MAP2K5: variants seen among roughly 807,000 people sequenced by gnomAD.
MAP2K5 encodes the protein dual specificity mitogen-activated protein kinase kinase 5.
In MAP2K5, 49 loss-of-function variants were observed where a neutral mutation model predicts 83.1. That is an observed-to-expected ratio of 0.59 (90% confidence interval 0.47 to 0.75). MAP2K5 has a LOEUF of 0.75. MAP2K5 is among the 30% of genes least tolerant of loss of function. The pLI is 0.00. For missense variants in MAP2K5, 457 were observed against 557.5 expected (o/e 0.82, Z 1.82); for synonymous variants, 202 against 191.8 (o/e 1.05, Z -0.44).
At chr15:67,743,615 C>T (rs2089540637) in intron 17 of MAP2K5, among the ~76,000 whole-genome samples, 1 of 152,122 alleles carries the variant, frequency 6.6e-6, no homozygotes, top group Admixed American at 6.5e-5. Context: ...GTATATAAAG[C>T]TTATCATGGA....
intron 21 of MAP2K5, among the ~76,000 whole-genome samples, chr15:67,776,872 C>T (rs1296767211): frequency 6.6e-6 from 1 of 152,208 alleles, no homozygotes; most frequent in East Asian, 1.9e-4. Flanking sequence ...TCCCCATCCC[C>T]TCTCCACTTC....
chr15:67,567,520 G>A (rs1004685738), intron 3 of MAP2K5, among the ~76,000 whole-genome samples: 6 of 151,664 alleles, frequency 4.0e-5, no homozygotes, highest in African/African-American at 9.7e-5. Context: ...GCCCGCCACC[G>A]CGCCCGGCTA....
chr15:67,641,011 G>T (rs1228210122), intron 9 of MAP2K5, among the ~76,000 whole-genome samples: 1 of 152,186 alleles, frequency 6.6e-6, no homozygotes, highest in African/African-American at 2.4e-5. Flanking sequence ...GGTGCAGGTA[G>T]TCAAGACAAT....
chr15:67,607,846 A>T (rs1392562443), intron 8 of MAP2K5, among the ~76,000 whole-genome samples: 2 of 152,008 alleles, frequency 1.3e-5, no homozygotes, highest in Non-Finnish European at 2.9e-5. Flanking sequence ...CTTGATTACT[A>T]TGGGTAACAA....
rs1305835087 is a variant in MAP2K5, at chr15:67,704,783, G to A, written c.1044+1375G>A. ...GGAAACTAGTGTTTTTGATTTGTGGGACTCAGTATTGCTGTTATACAATTT... is the reference window on the plus strand; with the variant it reads ...GGAAACTAGTGTTTTTGATTTGTGGAACTCAGTATTGCTGTTATACAATTT... On this transcript the variant is annotated intron_variant, in intron 16 of 21. Coordinates refer to ENST00000178640, the MANE Select transcript of MAP2K5 (RefSeq NM_145160.3). Among the ~76,000 whole-genome samples, 7 of 152,136 alleles carry A rather than the reference G, an allele frequency of 4.6e-5. No homozygotes were observed. The South Asian group carries it at 1.0e-3, about 23-fold the overall frequency.
In MAP2K5 at chr15:67,781,384, C is replaced by T. The variant is rs1223632565; in HGVS notation, c.1242+8632C>T. Among the ~76,000 whole-genome samples the T allele has an allele frequency of 6.6e-6, 1 of 152,036 alleles. No individual in the cohort carries two copies. The highest frequency in any genetic ancestry group is 1.5e-5 in the Non-Finnish European group (1 of 68,006). ...TAATTTGTAGCAGTTTTGAGAGAGACCTTTGGGGATTGTGAGTCTTGTGGT... is the reference window on the plus strand; with the variant it reads ...TAATTTGTAGCAGTTTTGAGAGAGATCTTTGGGGATTGTGAGTCTTGTGGT... On this transcript the variant is annotated intron_variant, in intron 21 of 21. Coordinates refer to ENST00000178640, the MANE Select transcript of MAP2K5 (RefSeq NM_145160.3). The surrounding 1 kb of genome is among the most constrained non-coding windows in gnomAD (Gnocchi z 4.0).
chr15:67,594,774 A>T (rs1596617289), intron 7 of MAP2K5, among the ~76,000 whole-genome samples: 1 of 151,898 alleles, frequency 6.6e-6, no homozygotes, highest in East Asian at 1.9e-4. Flanking sequence ...CTTTATAAGG[A>T]TTAGCCTTTC....
At position 67,770,511 on chromosome 15, in the gene MAP2K5, A is replaced by C. The variant is rs1346623821; in HGVS notation, c.1196+848A>C. On this transcript the variant is annotated intron_variant, in intron 20 of 21. Transcript: ENST00000178640. The surrounding 1 kb of genome is among the most constrained non-coding windows in gnomAD (Gnocchi z 5.0). ...AATCATTGTCCTCAAAGCAGGAGAC[A>C]AAACCAACCGCAACTCCTTCTTAAC... Among the ~76,000 whole-genome samples the C allele has an allele frequency of 6.6e-6, 1 of 152,200 alleles. No individual in the cohort carries two copies. The highest frequency in any genetic ancestry group is 1.5e-5 in the Non-Finnish European group (1 of 68,040).
intron 13 of MAP2K5, among the ~76,000 whole-genome samples, chr15:67,670,062 A>G (rs1029475123): frequency 2.6e-5 from 4 of 152,160 alleles, no homozygotes; most frequent in Middle Eastern, 3.2e-3. Context: ...CAGCTGGTAA[A>G]TGGAAAAACA....
intron 8 of MAP2K5, among the ~76,000 whole-genome samples, chr15:67,622,296 G>C (rs144041631): frequency 2.6e-5 from 4 of 152,178 alleles, no homozygotes; most frequent in Non-Finnish European, 5.9e-5. Context: ...CCAGCCCTCA[G>C]GAGTAGGTGC....
Position 67,632,849 on chromosome 15 carries a change from C to G in MAP2K5, c.585+1922C>G, listed in dbSNP as rs150007760. On this transcript the variant is annotated intron_variant, in intron 9 of 21. Transcript: ENST00000178640. ...CTGACTGCTAATGAAATCCAGAGTT[C>G]TTCTTCCATATCACATCTAGTACAG... 4.6e-5 allele frequency among the ~76,000 whole-genome samples: 7 copies of G among 152,324 alleles called. No individual in the cohort carries two copies. The South Asian group carries it at 6.2e-4, about 14-fold the overall frequency.
At chr15:67,791,056 G>C (rs1373048661) in intron 21 of MAP2K5, among the ~76,000 whole-genome samples, 1 of 152,190 alleles carries the variant, frequency 6.6e-6, no homozygotes, top group Non-Finnish European at 1.5e-5. Flanking sequence ...GCCATGAATA[G>C]TCCACCTGTG....
chr15:67,651,038 A>G (rs2086940807), intron 11 of MAP2K5, among the ~76,000 whole-genome samples: 1 of 152,144 alleles, frequency 6.6e-6, no homozygotes, highest in Non-Finnish European at 1.5e-5. Flanking sequence ...AACATGGTGA[A>G]ACCCCATCTC....
Position 67,592,950 on chromosome 15 carries a change from G to GA in MAP2K5, c.463dup (p.Ile155AsnfsTer9). The stretch of plus-strand genomic sequence containing the variant: ...GCTTAAAGAAGTCTTCTGCTGAACT[G>GA]AAAAAAATACTAGCCAATGGCCAGG... On this transcript the variant is annotated frameshift_variant, in exon 7 of 22. Coordinates refer to ENST00000178640, the MANE Select transcript of MAP2K5 (RefSeq NM_145160.3). LOFTEE classifies it high-confidence loss of function. The GA allele has an allele frequency of 6.2e-7, 1 of 1,606,678 alleles. No homozygotes were observed. Among genetic ancestry groups the GA allele is most frequent in the Non-Finnish European group, 8.5e-7 (1 of 1,175,678 alleles).
At chr15:67,590,137 A>T (rs1596609150) in intron 6 of MAP2K5, among the ~76,000 whole-genome samples, 2 of 152,106 alleles carry the variant, frequency 1.3e-5, no homozygotes, top group Non-Finnish European at 2.9e-5. Context: ...AAAGTCAAGA[A>T]CCCTTGGATG....
rs1488041720 is a variant in MAP2K5 at position 67,774,870 on chromosome 15, G to T, written c.1242+2118G>T. On this transcript the variant is annotated intron_variant, in intron 21 of 21. Transcript: ENST00000178640. This position sits in a 1 kb window ranked among gnomAD's most constrained non-coding sequence, Gnocchi z 4.9. ...GGCCGCTTCAAATGTGAGGCCTGCA[G>T]GATTGTCAAGGTTTCCCTGTAGGCC... 6.6e-6 allele frequency among the ~76,000 whole-genome samples: 1 copy of T among 152,222 alleles called. No individual in the cohort carries two copies. Among genetic ancestry groups the T allele is most frequent in the Non-Finnish European group, 1.5e-5 (1 of 68,034 alleles).
At chr15:67,624,612 TGTGTGTGTGTGTGTGTGTGTGTGTGTGA>T (rs2086269745) in intron 8 of MAP2K5, among the ~76,000 whole-genome samples, 1 of 150,538 alleles carries the variant, frequency 6.6e-6, no homozygotes, top group Non-Finnish European at 1.5e-5. Context: ...TGTGTGTGTG[TGTGTGTGTGTGTGTGTGTGTGTGTGTGA>T]GTGTGTTTGA....
rs200458486 is a variant in MAP2K5, at chr15:67,682,964, AC to A, written c.848-9511del. Among the ~76,000 whole-genome samples, 284 of 151,628 alleles carry A rather than the reference AC, an allele frequency of 1.9e-3. 10 individuals are homozygous for A. The East Asian group carries it at 0.05, about 27-fold the overall frequency. ...AGACCAGCCTGGCCAACACAGCAAA[AC>A]CCCATCTCTACTAAAAATAACAAAA... On this transcript the variant is annotated intron_variant, in intron 13 of 21. Transcript: ENST00000178640.
At chr15:67,800,095 ATC>A (rs2090676388) in intron 21 of MAP2K5, among the ~76,000 whole-genome samples, 1 of 152,172 alleles carries the variant, frequency 6.6e-6, no homozygotes, top group South Asian at 2.1e-4. Context: ...ATGATTTATT[ATC>A]TCATGTAATT....
Sources: allele counts gnomAD v4.1 joint callset (sites outside exome capture counted in the v4.1 genomes callset), GRCh38; gene constraint gnomAD v4.1.1; non-coding constraint Gnocchi (gnomAD v3.1); transcripts MANE v1.5; gene names NCBI Gene and HGNC (gene_info 2026-07-23, HGNC 2026-07-21).